The following ZDHHC21 variants were observed in gnomAD, a reference collection of about 807,000 sequenced individuals.
ZDHHC21 encodes the protein zDHHC palmitoyltransferase 21, also known as palmitoyltransferase ZDHHC21.
Under a neutral mutation model 34.6 loss-of-function variants are expected in ZDHHC21, and 15 were observed. The ratio of observed to expected loss-of-function variants is 0.43; its 90% CI spans 0.29 to 0.67. ZDHHC21 has a LOEUF of 0.67. Ranked by LOEUF, ZDHHC21 falls within the 30% of genes least tolerant of loss-of-function variation. The pLI is 0.14. For missense variants in ZDHHC21, 344 were observed against 327.7 expected (o/e 1.05, Z -0.38); for synonymous variants, 142 against 101.8 (o/e 1.40, Z -2.38).
At chr9:14,678,962 C>T (rs182881522) in intron 3 of ZDHHC21, among the ~76,000 whole-genome samples, 24 of 151,862 alleles carry the variant, frequency 1.6e-4, no homozygotes, top group Non-Finnish European at 2.4e-4. Context: ...GGGAACAGAC[C>T]GTAACCGGTT....
intron 7 of ZDHHC21, among the ~76,000 whole-genome samples, chr9:14,640,514 T>C (rs967347868): frequency 3.3e-5 from 5 of 152,078 alleles, no homozygotes; most frequent in South Asian, 2.1e-4. Flanking sequence ...AGAAATCATA[T>C]ATAATAGGAT....
In ZDHHC21 at chr9:14,618,426, CTG is replaced by C. The variant is rs1350033284; in HGVS notation, c.*538_*539del. The C allele has an allele frequency of 6.6e-6, 1 of 152,532 alleles. No homozygotes were observed. Among genetic ancestry groups the C allele is most frequent in the Non-Finnish European group, 1.5e-5 (1 of 67,992 alleles). 9.4% of individuals were successfully genotyped at this position (152,532 alleles called of 1,614,324 possible). On this transcript the variant is annotated 3_prime_UTR_variant, in exon 10 of 10. Coordinates refer to ENST00000380916, the MANE Select transcript of ZDHHC21 (RefSeq NM_178566.6). The stretch of plus-strand genomic sequence containing the variant: ...AGAAACCAATGCCCGTTTTGTGTTG[CTG>C]TTGTTCACTCCTATGCTGCTGCATT...
intron 8 of ZDHHC21, among the ~76,000 whole-genome samples, chr9:14,623,149 G>GCAA (rs1451059039): frequency 3.6e-4 from 52 of 144,184 alleles, no homozygotes; most frequent in African/African-American, 1.4e-3. Flanking sequence ...AAAAAAAAAG[G>GCAA]CAACAACAAA....
chr9:14,657,104 G>C (rs1832381069), intron 7 of ZDHHC21, among the ~76,000 whole-genome samples: 1 of 151,986 alleles, frequency 6.6e-6, no homozygotes, highest in South Asian at 2.1e-4. Context: ...CTTTCATTTG[G>C]AGAAGAAAAT....
At chr9:14,678,904 T>TG (rs1157659326) in intron 3 of ZDHHC21, among the ~76,000 whole-genome samples, 1 of 152,020 alleles carries the variant, frequency 6.6e-6, no homozygotes, top group Non-Finnish European at 1.5e-5. Flanking sequence ...AACATACTGC[T>TG]GAGTGAATAA....
At chr9:14,679,076 A>G (rs920317476) in intron 3 of ZDHHC21, among the ~76,000 whole-genome samples, 5 of 152,144 alleles carry the variant, frequency 3.3e-5, no homozygotes, top group African/African-American at 1.2e-4. Context: ...TCTGAGTTAC[A>G]AAGATGAATT....
chr9:14,621,104 A>G, intron 8 of ZDHHC21, among the ~76,000 whole-genome samples: 1 of 152,076 alleles, frequency 6.6e-6, no homozygotes, highest in East Asian at 1.9e-4. Context: ...GAGTTTTGAT[A>G]GTAACACATT....
intron 2 of ZDHHC21, among the ~76,000 whole-genome samples, chr9:14,684,562 C>G (rs1837969770): frequency 2.0e-5 from 3 of 151,422 alleles, no homozygotes; most frequent in Admixed American, 6.6e-5. Flanking sequence ...AGGAAACAAA[C>G]AAATGGAAGA....
In ZDHHC21 at chr9:14,613,276, A is replaced by C. The variant is rs562755306; in HGVS notation, c.*5690T>G. 3.3e-5 allele frequency: 5 copies of C among 151,988 alleles called. No homozygotes were observed. The South Asian group carries it at 1.0e-3, about 32-fold the overall frequency. The allele number at this position is 151,988 out of a possible 1,614,324, so 9.4% of individuals were successfully genotyped here. A position where few individuals can be genotyped will look rare whatever the true frequency, so the allele number is the denominator to read the frequency against. ...TAAATACACAACGATGTGAGAAGAA[A>C]ACTCAGTCAACCAAAAAGAAAATTA... On this transcript the variant is annotated 3_prime_UTR_variant, in exon 10 of 10. Coordinates refer to ENST00000380916, the MANE Select transcript of ZDHHC21 (RefSeq NM_178566.6).
chr9:14,672,303 T>C (rs1835611232), intron 5 of ZDHHC21, among the ~76,000 whole-genome samples: 1 of 152,090 alleles, frequency 6.6e-6, no homozygotes, highest in Admixed American at 6.6e-5. Flanking sequence ...ATATTATCTT[T>C]CACTGTTAAA....
In ZDHHC21 at chr9:14,616,638, A is replaced by C. The variant is rs1188950181; in HGVS notation, c.*2328T>G. 1 of 151,868 alleles carries C rather than the reference A, an allele frequency of 6.6e-6. No homozygotes were observed. Among genetic ancestry groups the C allele is most frequent in the Non-Finnish European group, 1.5e-5 (1 of 67,820 alleles). The allele number at this position is 151,868 out of a possible 1,614,324, so 9.4% of individuals were successfully genotyped here. A position where few individuals can be genotyped will look rare whatever the true frequency, so the allele number is the denominator to read the frequency against. On this transcript the variant is annotated 3_prime_UTR_variant, in exon 10 of 10. Coordinates refer to ENST00000380916, the MANE Select transcript of ZDHHC21 (RefSeq NM_178566.6). ...CAGTTGGTTTTTCTCTAGTAGTCTA[A>C]TAAGAATTAACAAAACCCACAGGAG...
At chr9:14,665,771 T>C (rs4557969) in intron 5 of ZDHHC21, among the ~76,000 whole-genome samples, 8,311 of 146,456 alleles carry the variant, frequency 0.057, 291 homozygotes, top group Admixed American at 0.12. Context: ...GAAGGAGAAA[T>C]AAAATCCTTT....
chr9:14,660,601 T>A (rs1477004341), intron 6 of ZDHHC21, among the ~76,000 whole-genome samples: 1 of 152,112 alleles, frequency 6.6e-6, no homozygotes, highest in East Asian at 1.9e-4. Context: ...AATTCCTGAA[T>A]CTCTTTAGGT....
chr9:14,616,038 A>G lies in ZDHHC21; in HGVS notation c.*2928T>C, dbSNP rs571417308. 9.2e-5 allele frequency: 14 copies of G among 151,870 alleles called. No individual in the cohort carries two copies. In the East Asian group the frequency reaches 2.7e-3, roughly 29 times the overall value. The allele number at this position is 151,870 out of a possible 1,614,324, so 9.4% of individuals were successfully genotyped here. On this transcript the variant is annotated 3_prime_UTR_variant, in exon 10 of 10. Transcript: ENST00000380916. ...CGAAATGTAAAAAAAAGAACAAAGAAAAGGAAAATTATACAAAGAATCATT... is the reference window on the plus strand; with the variant it reads ...CGAAATGTAAAAAAAAGAACAAAGAGAAGGAAAATTATACAAAGAATCATT...
At chr9:14,629,062 A>G (rs1826836565) in intron 8 of ZDHHC21, among the ~76,000 whole-genome samples, 1 of 152,230 alleles carries the variant, frequency 6.6e-6, no homozygotes, top group African/African-American at 2.4e-5. Context: ...ATTCAAGAGA[A>G]AGTAAAGTGA....
At chr9:14,602,559 A>C in the ZDHHC21 span, among the ~76,000 whole-genome samples, 1 of 152,130 alleles carries the variant, frequency 6.6e-6, no homozygotes, top group African/African-American at 2.4e-5. Flanking sequence ...TCAAATGCCA[A>C]AGCCAAAGGA....
intron 2 of ZDHHC21, among the ~76,000 whole-genome samples, chr9:14,685,957 A>G (rs1399873188): frequency 2.0e-5 from 3 of 152,102 alleles, no homozygotes; most frequent in South Asian, 4.1e-4. Context: ...TTACAAGGAC[A>G]GAAAACCAAA....
intron 5 of ZDHHC21, among the ~76,000 whole-genome samples, chr9:14,671,356 G>C (rs1835406442): frequency 6.6e-6 from 1 of 152,028 alleles, no homozygotes; most frequent in Non-Finnish European, 1.5e-5. Flanking sequence ...GCTTTGAGAA[G>C]AAAAACATTA....
chr9:14,651,081 T>A (rs1304918960), intron 7 of ZDHHC21, among the ~76,000 whole-genome samples: 2 of 151,936 alleles, frequency 1.3e-5, no homozygotes, highest in South Asian at 2.1e-4. Flanking sequence ...ATTATTTTTT[T>A]AAAAACCTTG....
Sources: allele counts gnomAD v4.1 joint callset (sites outside exome capture counted in the v4.1 genomes callset), GRCh38; gene constraint gnomAD v4.1.1; transcripts MANE v1.5; gene names NCBI Gene and HGNC (gene_info 2026-07-23, HGNC 2026-07-21).